CHEK1: variants seen among roughly 807,000 people sequenced by gnomAD.
CHEK1 encodes the protein serine/threonine-protein kinase Chk1.
CHEK1 carries 32 observed loss-of-function variants against 60.2 expected under a neutral mutation model. The ratio of observed to expected loss-of-function variants is 0.53; its 90% CI spans 0.40 to 0.71. CHEK1 has a LOEUF of 0.71. Among genes scored for constraint, CHEK1 ranks in the 30% least tolerant of loss-of-function variants. CHEK1 has a pLI of 0.00. For missense variants in CHEK1, 399 were observed against 564.6 expected (o/e 0.71, Z 2.97); for synonymous variants, 179 against 187.2 (o/e 0.96, Z 0.36).
At position 125,644,941 on chromosome 11, in the gene CHEK1, G is replaced by C. The variant is rs188634025; in HGVS notation, c.1233+298G>C. ...GAGAATTGCTTGAACCTGGAAGACG[G>C]AAGTTGCAGTGAGCCGAGATCCTGC... On this transcript the variant is annotated intron_variant, in intron 11 of 12. Coordinates refer to ENST00000438015, the MANE Select transcript of CHEK1 (RefSeq NM_001114122.3). Among the ~76,000 whole-genome samples the C allele has an allele frequency of 3.2e-3, 485 of 152,236 alleles. 4 individuals are homozygous for C. The highest frequency in any genetic ancestry group is 5.8e-3 in the Non-Finnish European group (394 of 68,008).
chr11:125,679,581 A>C (rs1942704404), downstream of CHEK1, among the ~76,000 whole-genome samples: 1 of 152,250 alleles, frequency 6.6e-6, no homozygotes, highest in Non-Finnish European at 1.5e-5. Context: ...GAACAGAAGC[A>C]CAAAACAGAT....
In CHEK1 at chr11:125,625,755, G is replaced by A. The variant is rs989212499; in HGVS notation, c.-278G>A. The A allele has an allele frequency of 1.2e-5, 8 of 683,408 alleles. No homozygotes were observed. The Middle Eastern group carries it at 1.2e-3, about 101-fold the overall frequency. 42.3% of individuals were successfully genotyped at this position (683,408 alleles called of 1,614,324 possible). On this transcript the variant is annotated 5_prime_UTR_variant, in exon 1 of 13. Coordinates refer to ENST00000438015, the MANE Select transcript of CHEK1 (RefSeq NM_001114122.3). The stretch of plus-strand genomic sequence containing the variant: ...CATATTTGGGCCCAGAGCTCAATTC[G>A]CGCCGATGCGGTCCGCCGTCCTTAA...
At chr11:125,677,950 C>G (rs149517852), downstream of CHEK1, 61 of 1,612,416 alleles carry the variant, frequency 3.8e-5, no homozygotes, top group Non-Finnish European at 3.0e-5. Flanking sequence ...TCACCTGACT[C>G]AAGCTCACTC....
chr11:125,650,451 G>A (rs1941674658), intron 11 of CHEK1, among the ~76,000 whole-genome samples: 1 of 132,772 alleles, frequency 7.5e-6, no homozygotes, highest in African/African-American at 2.9e-5. Flanking sequence ...TTTTTTTAGT[G>A]GTGTTTGTTT....
intron 8 of CHEK1, among the ~76,000 whole-genome samples, chr11:125,639,490 C>T (rs1259599477): frequency 6.7e-6 from 1 of 148,188 alleles, no homozygotes; most frequent in African/African-American, 2.5e-5. Context: ...GATTCTCGTG[C>T]CTTAGCCACC....
chr11:125,635,986 G>T (rs923881854), intron 7 of CHEK1: 1 of 152,758 alleles, frequency 6.5e-6, no homozygotes, highest in African/African-American at 2.4e-5. Flanking sequence ...ATCTCAGGCT[G>T]CAAACCTGTA....
intron 3 of CHEK1, 112 bp from the exon 4 acceptor site, chr11:125,629,120 T>C: frequency 2.1e-6 from 2 of 961,046 alleles, no homozygotes; most frequent in Non-Finnish European, 3.2e-6. Flanking sequence ...TGTTGGCATT[T>C]GCTTCTGTTT....
chr11:125,652,173 C>G (rs1941759652), intron 11 of CHEK1, among the ~76,000 whole-genome samples: 1 of 152,182 alleles, frequency 6.6e-6, no homozygotes, highest in Non-Finnish European at 1.5e-5. Flanking sequence ...GCTGATCTCG[C>G]TCGGGCTTAA....
chr11:125,640,269 C>A (rs931695767), intron 8 of CHEK1, among the ~76,000 whole-genome samples: 1 of 151,984 alleles, frequency 6.6e-6, no homozygotes, highest in Non-Finnish European at 1.5e-5. Context: ...TGGCCGGGCG[C>A]GGTGGCTCAC....
At chr11:125,635,647 C>A in intron 7 of CHEK1, 114 bp downstream of exon 7, 2 of 623,622 alleles carry the variant, frequency 3.2e-6, no homozygotes, top group Non-Finnish European at 5.3e-6. Flanking sequence ...AATTCATGTT[C>A]GTTGTAGATA....
At chr11:125,670,784 C>T (rs1187180353) in intron 13 of CHEK1, among the ~76,000 whole-genome samples, 1 of 152,172 alleles carries the variant, frequency 6.6e-6, no homozygotes, top group Non-Finnish European at 1.5e-5. Context: ...CCAGCATAAG[C>T]TCACAAATCT....
chr11:125,649,462 A>T (rs1301277416), intron 11 of CHEK1, among the ~76,000 whole-genome samples: 1 of 151,814 alleles, frequency 6.6e-6, no homozygotes, highest in Non-Finnish European at 1.5e-5. Flanking sequence ...CATGGCTGAC[A>T]CCTGTAATTC....
At chr11:125,673,344 A>G (rs1172080414) in intron 13 of CHEK1, among the ~76,000 whole-genome samples, 1 of 151,862 alleles carries the variant, frequency 6.6e-6, no homozygotes, top group Non-Finnish European at 1.5e-5. Flanking sequence ...AGCTGGGATT[A>G]CAGGCGCACC....
At chr11:125,640,811 A>G (rs1941274999) in intron 8 of CHEK1, among the ~76,000 whole-genome samples, 4 of 152,014 alleles carry the variant, frequency 2.6e-5, no homozygotes, top group Admixed American at 2.6e-4. Context: ...AAAATTAGCC[A>G]GGTGTGGTGG....
At chr11:125,631,937 A>G (rs758263584) in intron 5 of CHEK1, among the ~76,000 whole-genome samples, 1 of 149,514 alleles carries the variant, frequency 6.7e-6, no homozygotes, top group Non-Finnish European at 1.5e-5. Flanking sequence ...TAAACATTTC[A>G]TTGGTTTACA....
intron 11 of CHEK1, among the ~76,000 whole-genome samples, chr11:125,651,443 A>G (rs1753166702): frequency 6.6e-6 from 1 of 151,926 alleles, no homozygotes; most frequent in African/African-American, 2.4e-5. Flanking sequence ...GCCTGCCACC[A>G]CACCCTACTA....
At chr11:125,677,894 T>A, downstream of CHEK1, 1 of 1,613,994 alleles carries the variant, frequency 6.2e-7, no homozygotes, top group South Asian at 1.1e-5. Flanking sequence ...CAGAAGGCTG[T>A]TCACCGGAGC....
At chr11:125,644,323 T>A in intron 10 of CHEK1, 55 bp downstream of exon 10, 2 of 1,532,144 alleles carry the variant, frequency 1.3e-6, no homozygotes, top group African/African-American at 1.4e-5. Flanking sequence ...TTTATTGTCT[T>A]AAAGTCCTTT....
chr11:125,659,110 G>A (rs1941969107), downstream of CHEK1, among the ~76,000 whole-genome samples: 1 of 152,038 alleles, frequency 6.6e-6, no homozygotes, highest in Admixed American at 6.6e-5. Context: ...ACTGGTTATT[G>A]AAAAGATCAT....
Sources: allele counts gnomAD v4.1 joint callset (sites outside exome capture counted in the v4.1 genomes callset), GRCh38; gene constraint gnomAD v4.1.1; transcripts MANE v1.5; gene names NCBI Gene and HGNC (gene_info 2026-07-23, HGNC 2026-07-21).